ACAN: variants seen among roughly 807,000 people sequenced by gnomAD.
ACAN encodes aggrecan core protein.
In ACAN, 47 loss-of-function variants were observed where a neutral mutation model predicts 169.1. The observed-to-expected ratio is 0.28, with a 90% confidence interval of 0.22 to 0.35. The LOEUF (loss-of-function observed/expected upper bound fraction) is 0.35. Among genes scored for constraint, ACAN ranks in the 10% least tolerant of loss-of-function variants. The probability of loss-of-function intolerance (pLI) is 1.00; values close to 1 mark genes in which losing one functional copy is unlikely to be tolerated. For synonymous variants in ACAN, 1,115 were observed against 1,112.2 expected, an observed-to-expected ratio of 1.00 and a Z score of -0.05; for missense variants, 2,716 against 2,759.9, an observed-to-expected ratio of 0.98 and a Z score of 0.36.
chr15:88,849,351 G>C lies in ACAN; in HGVS notation c.1733-87G>C, dbSNP rs142728070. On this transcript the variant is annotated intron_variant, in intron 9 of 18. Transcript: ENST00000560601. The surrounding 1 kb of genome is among the most constrained non-coding windows in gnomAD (Gnocchi z 5.1). ...CTGGGTCTTAGCCCTGGTGAGGAGG[G>C]TTAGAGGAACTCTGTCCTGGGTGGG... 4.5e-3 allele frequency: 5,979 copies of C among 1,337,148 alleles called. 99 individuals carry two copies. Among genetic ancestry groups the C allele is most frequent in the African/African-American group, 0.041 (2,791 of 67,940 alleles). The allele number at this position is 1,337,148 out of a possible 1,614,324, so 82.8% of individuals were successfully genotyped here. A position where few individuals can be genotyped will look rare whatever the true frequency, so the allele number is the denominator to read the frequency against.
rs1897371903 is a variant in ACAN, at chr15:88,871,262, C to G, written c.7061-120C>G. Reference sequence around the variant, plus strand: ...CTCCTCCAGCTGTGCCTCTCCCTTCCCTTGAGGGCACAGCATGGAAGGTGG... The same window carrying G: ...CTCCTCCAGCTGTGCCTCTCCCTTCGCTTGAGGGCACAGCATGGAAGGTGG... On this transcript the variant is annotated intron_variant, in intron 14 of 18. Coordinates refer to ENST00000560601, the MANE Select transcript of ACAN (RefSeq NM_001369268.1). This position sits in a 1 kb window ranked among gnomAD's most constrained non-coding sequence, Gnocchi z 7.8. 6.4e-6 allele frequency: 9 copies of G among 1,398,124 alleles called. No homozygotes were observed. Among genetic ancestry groups the G allele is most frequent in the Middle Eastern group, 2.0e-4 (1 of 5,074 alleles). 86.6% of individuals were successfully genotyped at this position (1,398,124 alleles called of 1,614,324 possible).
In ACAN at chr15:88,861,578, T is replaced by C. The variant is rs971556052; in HGVS notation, c.6946+1139T>C. Reference sequence around the variant, plus strand: ...AAACAGACGTTAGGGTAGATATTCATTCACTCTTTCCCCAACGTGTGGGCT... The same window carrying C: ...AAACAGACGTTAGGGTAGATATTCACTCACTCTTTCCCCAACGTGTGGGCT... On this transcript the variant is annotated intron_variant, in intron 13 of 18. Transcript: ENST00000560601. This position sits in a 1 kb window ranked among gnomAD's most constrained non-coding sequence, Gnocchi z 6.3. Among the ~76,000 whole-genome samples, 2 of 152,210 alleles carry C rather than the reference T, an allele frequency of 1.3e-5. No individual in the cohort carries two copies. Among genetic ancestry groups the C allele is most frequent in the East Asian group, 3.9e-4 (2 of 5,180 alleles).
chr15:88,824,165 A>C (rs145241460), intron 1 of ACAN, among the ~76,000 whole-genome samples: 274 of 152,258 alleles, frequency 1.8e-3, no homozygotes, highest in African/African-American at 5.9e-3. Flanking sequence ...TCTACTAAAA[A>C]TACAAAAAAT....
At chr15:88,834,269 C>T (rs1280388304) in intron 1 of ACAN, among the ~76,000 whole-genome samples, 1 of 152,176 alleles carries the variant, frequency 6.6e-6, no homozygotes, top group Non-Finnish European at 1.5e-5. Context: ...CACAGACAGC[C>T]CTTTCATTTC....
chr15:88,839,200 G>A lies in ACAN; in HGVS notation c.454+154G>A, dbSNP rs1896587989. Among the ~76,000 whole-genome samples, 2 of 152,212 alleles carry A rather than the reference G, an allele frequency of 1.3e-5. No individual in the cohort carries two copies. Among genetic ancestry groups the A allele is most frequent in the South Asian group, 4.1e-4 (2 of 4,832 alleles). ...CTTCAGCTGCTTCCTCTGTGACATGGAGCTGGTAATATCATTCTCTCTGGA... is the reference window on the plus strand; with the variant it reads ...CTTCAGCTGCTTCCTCTGTGACATGAAGCTGGTAATATCATTCTCTCTGGA... On this transcript the variant is annotated intron_variant, in intron 3 of 18. Transcript: ENST00000560601. The surrounding 1 kb of genome is among the most constrained non-coding windows in gnomAD (Gnocchi z 4.5).
chr15:88,841,076 T>A (rs913600031), intron 4 of ACAN, among the ~76,000 whole-genome samples: 5 of 151,662 alleles, frequency 3.3e-5, no homozygotes, highest in African/African-American at 1.2e-4. Context: ...ACCCGGGAGG[T>A]GGAGCTTGCA....
intron 4 of ACAN, among the ~76,000 whole-genome samples, chr15:88,841,214 T>C (rs1896653061): frequency 6.6e-6 from 1 of 152,208 alleles, no homozygotes. Context: ...GGACAAATGA[T>C]TTAACACCTC....
At chr15:88,824,271 CCAAGA>C (rs1896152310) in intron 1 of ACAN, among the ~76,000 whole-genome samples, 1 of 151,912 alleles carries the variant, frequency 6.6e-6, no homozygotes, top group South Asian at 2.1e-4. Flanking sequence ...TTGCAGTAAG[CCAAGA>C]TTGCGCCACT....
rs563815245 is a variant in ACAN at position 88,866,578 on chromosome 15, C to T, written c.6947-1638C>T. Among the ~76,000 whole-genome samples the T allele has an allele frequency of 8.8e-4, 134 of 151,748 alleles. No individual in the cohort carries two copies. The highest frequency in any genetic ancestry group is 2.8e-3 in the African/African-American group (116 of 41,356). ...TTGGTTCTAGTCTATGGTGTGCCCC[C>T]CCGAGATGAAGTTAAAGACTTCATG... On this transcript the variant is annotated intron_variant, in intron 13 of 18. Transcript: ENST00000560601. The surrounding 1 kb of genome is among the most constrained non-coding windows in gnomAD (Gnocchi z 5.6).
Position 88,839,921 on chromosome 15 carries a change from T to G in ACAN, c.455-91T>G. On this transcript the variant is annotated intron_variant, in intron 3 of 18. Coordinates refer to ENST00000560601, the MANE Select transcript of ACAN (RefSeq NM_001369268.1). The surrounding 1 kb of genome is among the most constrained non-coding windows in gnomAD (Gnocchi z 4.5). Reference sequence around the variant, plus strand: ...GACCAGCCAGTTCCCTAAGGTCCCTTTGACTATTGCCATAATTCTGCGAGG... The same window carrying G: ...GACCAGCCAGTTCCCTAAGGTCCCTGTGACTATTGCCATAATTCTGCGAGG... 1 of 1,469,628 alleles carries G rather than the reference T, an allele frequency of 6.8e-7. No homozygotes were observed. Among genetic ancestry groups the G allele is most frequent in the Non-Finnish European group, 9.2e-7 (1 of 1,083,812 alleles). The allele number at this position is 1,469,628 out of a possible 1,614,324, so 91.0% of individuals were successfully genotyped here. A position where few individuals can be genotyped will look rare whatever the true frequency, so the allele number is the denominator to read the frequency against.
rs780899352 is a variant in ACAN, at chr15:88,845,496, C to A, written c.1052-9C>A. On this transcript the variant is annotated splice_polypyrimidine_tract_variant and intron_variant, in intron 6 of 18. Coordinates refer to ENST00000560601, the MANE Select transcript of ACAN (RefSeq NM_001369268.1). ...GAGAGGCTAAAGCTTGTCTTTGCCC[C>A]TCCCCTAGGTGAAGACTTTGTGGAC... 1 of 1,589,104 alleles carries A rather than the reference C, an allele frequency of 6.3e-7. No individual in the cohort carries two copies. The highest frequency in any genetic ancestry group is 8.6e-7 in the Non-Finnish European group (1 of 1,163,852).
chr15:88,841,477 AC>A (rs1196407889), intron 4 of ACAN, among the ~76,000 whole-genome samples: 1 of 133,972 alleles, frequency 7.5e-6, no homozygotes, highest in Non-Finnish European at 1.6e-5. Context: ...TAAAATATTT[AC>A]TATCTTGCCT....
intron 13 of ACAN, among the ~76,000 whole-genome samples, chr15:88,865,180 A>T (rs1353890407): frequency 6.6e-6 from 1 of 152,204 alleles, no homozygotes; most frequent in Admixed American, 6.5e-5. Flanking sequence ...TGGTTATAGT[A>T]GTGGGAAGAG....
intron 6 of ACAN, among the ~76,000 whole-genome samples, chr15:88,844,295 T>TA (rs61121960): frequency 0.015 from 472 of 31,406 alleles, 3 homozygotes; most frequent in African/African-American, 0.059. Context: ...CATGCTTTGC[T>TA]TTTTTTTTTT....
chr15:88,874,378 T>C lies in ACAN; in HGVS notation c.7631-27T>C, dbSNP rs1190479302. On this transcript the variant is annotated intron_variant, in intron 18 of 18. Transcript: ENST00000560601. This position sits in a 1 kb window ranked among gnomAD's most constrained non-coding sequence, Gnocchi z 7.3. Reference sequence around the variant, plus strand: ...CCCACTTTCTTTCCAGGTCCACTGATATCTTTCCATCTCCCTTTCGTCCTA... The same window carrying C: ...CCCACTTTCTTTCCAGGTCCACTGACATCTTTCCATCTCCCTTTCGTCCTA... The C allele has an allele frequency of 1.9e-6, 3 of 1,571,928 alleles. No individual in the cohort carries two copies. Among genetic ancestry groups the C allele is most frequent in the Non-Finnish European group, 2.6e-6 (3 of 1,155,556 alleles).
rs1362613530 is a variant in ACAN, at chr15:88,814,455, G to A, written c.-8+10646G>A. 6.6e-6 allele frequency among the ~76,000 whole-genome samples: 1 copy of A among 152,190 alleles called. No homozygotes were observed. Among genetic ancestry groups the A allele is most frequent in the Non-Finnish European group, 1.5e-5 (1 of 68,036 alleles). On this transcript the variant is annotated intron_variant, in intron 1 of 18. Coordinates refer to ENST00000560601, the MANE Select transcript of ACAN (RefSeq NM_001369268.1). This position sits in a 1 kb window ranked among gnomAD's most constrained non-coding sequence, Gnocchi z 4.0. ...AGTCTTACCATCCTGGAGCAGAAAG[G>A]GGCCTCAGGAATGCAAGAAGAGCCA...
Position 88,851,823 on chromosome 15 carries a change from G to A in ACAN, c.2056G>A (p.Glu686Lys), listed in dbSNP as rs1165623096. The change falls in exon 11 of 19, where the codon GAA becomes AAA. Residue 686 changes from glutamate to lysine, a missense_variant. By Grantham distance (56) the Glu-to-Lys change is moderately conservative. Around this residue, in one of 3 missense-constraint regions of ACAN, gnomAD observed 1,283 missense variants for 1,281.5 expected, o/e 1.00. Coordinates refer to ENST00000560601, the MANE Select transcript of ACAN (RefSeq NM_001369268.1). The surrounding 1 kb of genome is among the most constrained non-coding windows in gnomAD (Gnocchi z 4.3). ...GISAVPSPGEEEGGTPTSPSG... is the reference protein window; with the variant it reads ...GISAVPSPGEKEGGTPTSPSG... The stretch of plus-strand genomic sequence containing the variant: ...TTCAGCGGTTCCTTCTCCAGGAGAA[G>A]AAGAGGGTGGCACACCCACATCACC... 6.2e-7 allele frequency: 1 copy of A among 1,606,652 alleles called. No homozygotes were observed. The highest frequency in any genetic ancestry group is 1.1e-5 in the South Asian group (1 of 89,454).
In ACAN at chr15:88,872,208, C is replaced by T; in HGVS notation, c.7302+123C>T. 2.4e-6 allele frequency: 2 copies of T among 824,312 alleles called. No individual in the cohort carries two copies. The allele number at this position is 824,312 out of a possible 1,614,324, so 51.1% of individuals were successfully genotyped here. A position where few individuals can be genotyped will look rare whatever the true frequency, so the allele number is the denominator to read the frequency against. ...CTTACCAGCTGCTGGACCGGGAACC[C>T]TTGAGGGCAGGGATTATCTCCTTCA... On this transcript the variant is annotated intron_variant, in intron 16 of 18. Coordinates refer to ENST00000560601, the MANE Select transcript of ACAN (RefSeq NM_001369268.1). The surrounding 1 kb of genome is among the most constrained non-coding windows in gnomAD (Gnocchi z 5.4).
intron 1 of ACAN, among the ~76,000 whole-genome samples, chr15:88,821,003 T>A (rs8025041): frequency 6.6e-6 from 1 of 151,854 alleles, no homozygotes; most frequent in East Asian, 1.9e-4. Context: ...GGAGAAGTGC[T>A]GAGCAAAGGG....
Sources: gnomAD v4.1 joint callset for allele counts (sites outside exome capture counted in the v4.1 genomes callset) on GRCh38, gnomAD v4.1.1 for gene constraint, gnomAD v4.1.1 regional missense constraint, Gnocchi (gnomAD v3.1) non-coding constraint, MANE v1.5 for transcripts, NCBI Gene and HGNC (gene_info 2026-07-23, HGNC 2026-07-21) for gene names.